Variants in ZNF423 observed in about 807,000 individuals in gnomAD.
ZNF423 encodes the protein zinc finger protein 423, also known as Ebf-associated zinc finger protein.
Under a neutral mutation model 95.8 loss-of-function variants are expected in ZNF423, and 12 were observed. That is an observed-to-expected ratio of 0.13 (90% CI 0.08 to 0.20). ZNF423 has a LOEUF of 0.20. ZNF423 is among the 10% of genes least tolerant of loss of function. The pLI is 1.00. For missense variants in ZNF423, 1,316 were observed against 1,737.1 expected (o/e 0.76, Z 4.31); for synonymous variants, 749 against 711.9 (o/e 1.05, Z -0.83).
intron 5 of ZNF423, among the ~76,000 whole-genome samples, chr16:49,549,601 C>T (rs781385722): frequency 3.2e-4 from 49 of 152,182 alleles, no homozygotes; most frequent in Non-Finnish European, 5.4e-4. Flanking sequence ...GGTGCATCTA[C>T]AGCTTCAGCA....
intron 3 of ZNF423, among the ~76,000 whole-genome samples, chr16:49,668,808 C>T (rs4785181): frequency 0.081 from 12,384 of 152,196 alleles, 622 homozygotes; most frequent in Non-Finnish European, 0.12. Context: ...CACATGGGCT[C>T]GTGTTTGAAT....
intron 5 of ZNF423, among the ~76,000 whole-genome samples, chr16:49,532,530 G>A (rs1046427279): frequency 6.6e-6 from 1 of 152,188 alleles, no homozygotes; most frequent in Non-Finnish European, 1.5e-5. Context: ...AATGAGCTCT[G>A]GCAGCCTGAA....
At chr16:49,600,729 C>T (rs9807005) in intron 5 of ZNF423, among the ~76,000 whole-genome samples, 28,928 of 152,152 alleles carry the variant, frequency 0.19, 3,536 homozygotes, top group East Asian at 0.43. Flanking sequence ...GCCCACACTG[C>T]GCCATTAGCT....
upstream of ZNF423, among the ~76,000 whole-genome samples, chr16:49,856,693 G>A (rs2035374541): frequency 6.7e-6 from 1 of 149,016 alleles, no homozygotes; most frequent in Non-Finnish European, 1.5e-5. Context: ...AGGGGCGCGC[G>A]GGGGCGCTCA....
chr16:49,533,104 C>T (rs919481230), intron 5 of ZNF423, among the ~76,000 whole-genome samples: 5 of 152,212 alleles, frequency 3.3e-5, no homozygotes, highest in African/African-American at 9.6e-5. Flanking sequence ...CACCAAGGGA[C>T]GGCCTCTGCG....
chr16:49,551,793 C>T (rs1969649027), intron 5 of ZNF423, among the ~76,000 whole-genome samples: 1 of 152,162 alleles, frequency 6.6e-6, no homozygotes, highest in African/African-American at 2.4e-5. Context: ...ACGGGCCCCT[C>T]AAGTCTGTGG....
At chr16:49,807,227 C>T (rs531858297) in intron 1 of ZNF423, among the ~76,000 whole-genome samples, 41 of 152,006 alleles carry the variant, frequency 2.7e-4, no homozygotes, top group Admixed American at 5.2e-4. Flanking sequence ...GTCAGGAGAT[C>T]GAGACCATCC....
chr16:49,722,756 T>C (rs758316083), intron 3 of ZNF423, among the ~76,000 whole-genome samples: 3 of 152,118 alleles, frequency 2.0e-5, no homozygotes, highest in Non-Finnish European at 4.4e-5. Flanking sequence ...GAGCACCTAC[T>C]ATGTGTTCTA....
At chr16:49,491,877 G>A (rs1966987304) in intron 7 of ZNF423, among the ~76,000 whole-genome samples, 1 of 152,194 alleles carries the variant, frequency 6.6e-6, no homozygotes, top group Non-Finnish European at 1.5e-5. Flanking sequence ...CAGGGGACAG[G>A]TCACCCGGCA....
At chr16:49,694,575 G>T (rs200271424) in intron 3 of ZNF423, among the ~76,000 whole-genome samples, 1 of 152,292 alleles carries the variant, frequency 6.6e-6, no homozygotes, top group East Asian at 1.9e-4. Flanking sequence ...TGCCTTCAGG[G>T]GATACCTTTT....
chr16:49,683,249 C>A (rs979934146), intron 3 of ZNF423, among the ~76,000 whole-genome samples: 1 of 152,314 alleles, frequency 6.6e-6, no homozygotes, highest in South Asian at 2.1e-4. Context: ...CCTCAAGGAG[C>A]CCATTGTCTC....
intron 7 of ZNF423, among the ~76,000 whole-genome samples, chr16:49,514,682 T>C (rs1374557932): frequency 1.3e-5 from 2 of 152,184 alleles, no homozygotes; most frequent in African/African-American, 4.8e-5. Flanking sequence ...AGCAGCATGA[T>C]TAGGCACACA....
rs375275678 is a variant in ZNF423, at chr16:49,807,429, C to CA, written c.41-17884dup. Among the ~76,000 whole-genome samples the CA allele has an allele frequency of 8.6e-3, 1,232 of 142,592 alleles. 13 individuals carry two copies. Among genetic ancestry groups the CA allele is most frequent in the South Asian group, 0.042 (190 of 4,480 alleles). The allele number at this position is 142,592 out of a possible 152,430, so 93.5% of individuals were successfully genotyped here. ...TAGGCGACAGAGCAATATTCCGTCT[C>CA]AAAAAAAAAACAAAAAATACAAAAT... On this transcript the variant is annotated intron_variant, in intron 1 of 7. Coordinates refer to ENST00000563137, the MANE Select transcript of ZNF423 (RefSeq NM_001379286.1).
chr16:49,663,654 C>T (rs928257683), intron 3 of ZNF423, among the ~76,000 whole-genome samples: 4 of 152,178 alleles, frequency 2.6e-5, no homozygotes, highest in African/African-American at 7.2e-5. Flanking sequence ...GAGCCAGAGG[C>T]AGGCAAGCAC....
chr16:49,786,864 C>CT (rs566941643), intron 2 of ZNF423, among the ~76,000 whole-genome samples: 7 of 152,236 alleles, frequency 4.6e-5, no homozygotes, highest in Non-Finnish European at 7.3e-5. Context: ...TCTTTGGCAT[C>CT]TGCTGCCATT....
chr16:49,636,708 G>T lies in ZNF423; in HGVS notation c.2468C>A (p.Ala823Asp), dbSNP rs1972733105. ...KKYNCKFCSK[A>D]FHAIILLEKH... ...CTCCAGCAGGATGATGGCGTGGAAG[G>T]CCTTGCTGCAGAACTTACAGTTATA... The change falls in exon 4 of 8, where the codon GCC becomes GAC. Residue 823 changes from alanine (A) to aspartate (D), a missense_variant. Physicochemically the swap from Ala to Asp is moderately radical, Grantham distance 126 (BLOSUM62 -2). Around this residue, in one of 6 missense-constraint regions of ZNF423, gnomAD observed 620 missense variants for 775.6 expected, o/e 0.80. Transcript: ENST00000563137. This position sits in a 1 kb window ranked among gnomAD's most constrained non-coding sequence, Gnocchi z 8.6. 1 of 1,614,088 alleles carries T rather than the reference G, an allele frequency of 6.2e-7. No homozygotes were observed. The highest frequency in any genetic ancestry group is 1.1e-5 in the South Asian group (1 of 91,076).
chr16:49,568,723 C>T (rs1970270470), intron 5 of ZNF423, among the ~76,000 whole-genome samples: 1 of 152,134 alleles, frequency 6.6e-6, no homozygotes, highest in African/African-American at 2.4e-5. Flanking sequence ...CCAATCTCTC[C>T]CACACCCATT....
chr16:49,815,914 A>ATATATATAT (rs1445194160), intron 1 of ZNF423, among the ~76,000 whole-genome samples: 7 of 29,804 alleles, frequency 2.3e-4, no homozygotes, highest in East Asian at 1.2e-3. Context: ...ATATATATAT[A>ATATATATAT]TTTTTTTTTT....
intron 3 of ZNF423, among the ~76,000 whole-genome samples, chr16:49,677,769 AG>A (rs1169433783): frequency 4.1e-4 from 46 of 111,980 alleles, no homozygotes; most frequent in African/African-American, 1.8e-3. Context: ...AAAAAAAAAA[AG>A]AGAGAGAGAG....
Sources: gnomAD v4.1 joint callset for allele counts (sites outside exome capture counted in the v4.1 genomes callset) on GRCh38, gnomAD v4.1.1 for gene constraint, gnomAD v4.1.1 regional missense constraint, Gnocchi (gnomAD v3.1) non-coding constraint, MANE v1.5 for transcripts, NCBI Gene and HGNC (gene_info 2026-07-23, HGNC 2026-07-21) for gene names.